The following JAM3 variants were observed in gnomAD, a reference collection of about 807,000 sequenced individuals.
The protein encoded by JAM3 is junctional adhesion molecule C.
Under a neutral mutation model 39.4 loss-of-function variants are expected in JAM3, and 31 were observed. The observed-to-expected ratio is 0.79, with a 90% CI of 0.59 to 1.06. The LOEUF (loss-of-function observed/expected upper bound fraction) is 1.06, where lower values mean the gene tolerates loss of function less well. Among genes scored for constraint, JAM3 ranks in the 50% least tolerant of loss-of-function variants. JAM3 has a pLI of 0.00. For missense variants in JAM3, 455 were observed against 391.4 expected (o/e 1.16, Z -1.37); for synonymous variants, 182 against 148.7 (o/e 1.22, Z -1.63).
At chr11:134,083,854 C>T (rs899712756) in intron 1 of JAM3, among the ~76,000 whole-genome samples, 11 of 152,130 alleles carry the variant, frequency 7.2e-5, no homozygotes, top group African/African-American at 1.7e-4. Context: ...TGGCAGAAAT[C>T]GCTGGATTTG....
chr11:134,140,558 T>C (rs1387558303), intron 2 of JAM3, 99 bp from the exon 3 acceptor site: 2 of 958,782 alleles, frequency 2.1e-6, no homozygotes, highest in East Asian at 4.9e-5. Flanking sequence ...TTAATCTGCA[T>C]GAAAGGCCTC....
At chr11:134,117,445 A>G (rs1482503128) in intron 1 of JAM3, among the ~76,000 whole-genome samples, 1 of 152,054 alleles carries the variant, frequency 6.6e-6, no homozygotes, top group Non-Finnish European at 1.5e-5. Context: ...TTCCCTTATT[A>G]GAGAGAAATA....
At chr11:134,088,140 A>G (rs1430931601) in intron 1 of JAM3, among the ~76,000 whole-genome samples, 1 of 152,144 alleles carries the variant, frequency 6.6e-6, no homozygotes, top group Non-Finnish European at 1.5e-5. Context: ...CAGGACTAGA[A>G]CTCAACTTTA....
At chr11:134,097,849 C>T (rs554275617) in intron 1 of JAM3, among the ~76,000 whole-genome samples, 21 of 151,038 alleles carry the variant, frequency 1.4e-4, no homozygotes, top group Admixed American at 1.3e-3. Flanking sequence ...TCTTAATTTT[C>T]TTTTATATAT....
chr11:134,107,159 A>T (rs1218339508), intron 1 of JAM3, among the ~76,000 whole-genome samples: 2 of 152,266 alleles, frequency 1.3e-5, no homozygotes, highest in Non-Finnish European at 2.9e-5. Flanking sequence ...GCCATAAAAA[A>T]TGATGAGTTC....
At chr11:134,107,863 A>AAAATAAAT (rs59869635) in intron 1 of JAM3, among the ~76,000 whole-genome samples, 1 of 151,448 alleles carries the variant, frequency 6.6e-6, no homozygotes, top group Non-Finnish European at 1.5e-5. Flanking sequence ...CCTTGTCTCT[A>AAAATAAAT]AAATAAATAA....
At position 134,102,972 on chromosome 11, in the gene JAM3, G is replaced by C. The variant is rs1426280120; in HGVS notation, c.76+33813G>C. 9.9e-5 allele frequency among the ~76,000 whole-genome samples: 15 copies of C among 152,184 alleles called. No homozygotes were observed. In the East Asian group the frequency reaches 2.7e-3, roughly 27 times the overall value. On this transcript the variant is annotated intron_variant, in intron 1 of 8. Transcript: ENST00000299106. ...TATCCAGGAGAACTTCCCCAACCTA[G>C]CAAGGCAGGCCAACATTCAAATTCA...
intron 1 of JAM3, among the ~76,000 whole-genome samples, chr11:134,118,334 T>C (rs1260171056): frequency 6.6e-6 from 1 of 152,184 alleles, no homozygotes; most frequent in Non-Finnish European, 1.5e-5. Context: ...GCCAGGCTCA[T>C]GCAAAGATGG....
At chr11:134,075,946 G>C (rs944495698) in intron 1 of JAM3, among the ~76,000 whole-genome samples, 15 of 151,872 alleles carry the variant, frequency 9.9e-5, no homozygotes, top group African/African-American at 3.6e-4. Context: ...TTGTCTCTCT[G>C]TGCTATTCTG....
chr11:134,145,114 T>G (rs2120875036), intron 5 of JAM3, 120 bp downstream of exon 5: 1 of 837,306 alleles, frequency 1.2e-6, no homozygotes, highest in East Asian at 2.6e-5. Context: ...GTCAAAAATC[T>G]AGAATGTTAG....
intron 6 of JAM3, among the ~76,000 whole-genome samples, chr11:134,147,219 T>G (rs984493061): frequency 3.3e-5 from 5 of 151,924 alleles, no homozygotes; most frequent in African/African-American, 1.2e-4. Flanking sequence ...TCTGGGAGGC[T>G]GAGGCGGGTG....
At chr11:134,136,193 T>A (rs1000919633) in intron 1 of JAM3, among the ~76,000 whole-genome samples, 4 of 152,332 alleles carry the variant, frequency 2.6e-5, no homozygotes, top group Non-Finnish European at 5.9e-5. Flanking sequence ...GTTTTCCTTT[T>A]TCCGCCTTCC....
At chr11:134,143,171 G>T (rs1346484491) in intron 3 of JAM3, among the ~76,000 whole-genome samples, 1 of 152,148 alleles carries the variant, frequency 6.6e-6, no homozygotes, top group Non-Finnish European at 1.5e-5. Flanking sequence ...AAAACCGACA[G>T]AGTGTTTTTC....
Position 134,140,742 on chromosome 11 carries a change from A to G in JAM3, c.228A>G (p.Thr76=), listed in dbSNP as rs761254907. 2 of 1,613,604 alleles carry G rather than the reference A, an allele frequency of 1.2e-6. No individual in the cohort carries two copies. Among genetic ancestry groups the G allele is most frequent in the Non-Finnish European group, 1.7e-6 (2 of 1,179,746 alleles). ...EWKKIQDEQT[T]YVFFDNKIQG... ...AGAAAATTCAAGATGAACAAACCAC[A>G]TATGTGTTTTTTGACAACAAAATTC... Residue 76 remains threonine (T), a synonymous_variant, in exon 3 of 9, where the codon ACA becomes ACG. Transcript: ENST00000299106.
chr11:134,147,941 C>T (rs1943109018), intron 6 of JAM3: 2 of 154,160 alleles, frequency 1.3e-5, no homozygotes, highest in Non-Finnish European at 2.9e-5. Context: ...CTGCCAGAGC[C>T]CCATATGAAA....
chr11:134,151,482 C>T lies in JAM3; in HGVS notation c.*2301C>T, dbSNP rs917214182. On this transcript the variant is annotated 3_prime_UTR_variant, in exon 9 of 9. Coordinates refer to ENST00000299106, the MANE Select transcript of JAM3 (RefSeq NM_032801.5). The stretch of plus-strand genomic sequence containing the variant: ...GCCCCCTCTTCTTATACCCTAAAAC[C>T]TTCTACACTAGTGCCATGGGAACCA... The T allele has an allele frequency of 6.6e-6, 1 of 152,174 alleles. No individual in the cohort carries two copies. Among genetic ancestry groups the T allele is most frequent in the Non-Finnish European group, 1.5e-5 (1 of 68,048 alleles). 9.4% of individuals were successfully genotyped at this position (152,174 alleles called of 1,614,324 possible).
intron 1 of JAM3, among the ~76,000 whole-genome samples, chr11:134,137,471 T>C (rs1439733094): frequency 1.3e-5 from 2 of 152,230 alleles, no homozygotes; most frequent in Non-Finnish European, 2.9e-5. Flanking sequence ...AAAGATGTGA[T>C]TGGGTTGTCC....
intron 1 of JAM3, among the ~76,000 whole-genome samples, chr11:134,132,478 A>T (rs936655460): frequency 6.6e-6 from 1 of 152,226 alleles, no homozygotes. Flanking sequence ...TCGAAGGTGT[A>T]TGAAGATATT....
chr11:134,097,535 T>C (rs998455548), intron 1 of JAM3, among the ~76,000 whole-genome samples: 2 of 152,174 alleles, frequency 1.3e-5, no homozygotes, highest in African/African-American at 2.4e-5. Flanking sequence ...TCACATCTTA[T>C]TGATACTGGG....
Sources: allele counts gnomAD v4.1 joint callset (sites outside exome capture counted in the v4.1 genomes callset), GRCh38; gene constraint gnomAD v4.1.1; transcripts MANE v1.5; gene names NCBI Gene and HGNC (gene_info 2026-07-23, HGNC 2026-07-21).